The following SAMD5 variants were observed in gnomAD, a reference collection of about 807,000 sequenced individuals.
The protein encoded by SAMD5 is sterile alpha motif domain containing 5.
Under a neutral mutation model 11.3 loss-of-function variants are expected in SAMD5, and 13 were observed. That is an observed-to-expected ratio of 1.15 (90% CI 0.75 to 1.83). The LOEUF is 1.83. Ranked by LOEUF, SAMD5 falls within the 40% of genes most tolerant of loss-of-function variation. SAMD5 has a pLI of 0.00. For synonymous variants in SAMD5, 129 were observed against 111.3 expected, an observed-to-expected ratio of 1.16 and a Z score of -1.00; for missense variants, 255 against 239.1, an observed-to-expected ratio of 1.07 and a Z score of -0.44.
At chr6:147,545,605 G>A (rs749612835) in intron 1 of SAMD5, among the ~76,000 whole-genome samples, 10 of 151,998 alleles carry the variant, frequency 6.6e-5, no homozygotes, top group Non-Finnish European at 1.3e-4. Flanking sequence ...AAGGATAAGC[G>A]GACTTTAATT....
the SAMD5 span, among the ~76,000 whole-genome samples, chr6:147,757,403 G>A: frequency 1.1e-4 from 17 of 152,112 alleles, no homozygotes; most frequent in African/African-American, 3.9e-4. Context: ...ATGTTTTTAT[G>A]AGTATAAATA....
intron 1 of SAMD5, among the ~76,000 whole-genome samples, chr6:147,670,712 G>C (rs970472066): frequency 2.6e-5 from 4 of 152,216 alleles, no homozygotes; most frequent in Non-Finnish European, 5.9e-5. Flanking sequence ...GAATTGAAGA[G>C]AGTTAGAGCC....
chr6:147,873,118 C>T, the SAMD5 span, among the ~76,000 whole-genome samples: 1 of 152,216 alleles, frequency 6.6e-6, no homozygotes, highest in East Asian at 1.9e-4. Context: ...GTGGCTCACG[C>T]CTGTAATCCC....
chr6:147,665,097 AAG>A (rs1179438290), intron 1 of SAMD5, among the ~76,000 whole-genome samples: 34 of 152,148 alleles, frequency 2.2e-4, no homozygotes, highest in African/African-American at 8.2e-4. Flanking sequence ...TTTCCCTTAA[AAG>A]AATGTTTTCA....
the SAMD5 span, among the ~76,000 whole-genome samples, chr6:147,869,269 G>C: frequency 6.6e-6 from 1 of 152,238 alleles, no homozygotes; most frequent in Non-Finnish European, 1.5e-5. Context: ...AGCTGATGCT[G>C]TGGCCCTTGG....
chr6:147,564,184 A>G (rs1289794111), intron 1 of SAMD5, among the ~76,000 whole-genome samples: 1 of 152,244 alleles, frequency 6.6e-6, no homozygotes, highest in Non-Finnish European at 1.5e-5. Flanking sequence ...TATAGGCTTG[A>G]CAAGGATAAA....
the SAMD5 span, among the ~76,000 whole-genome samples, chr6:147,846,727 T>C: frequency 3.3e-5 from 5 of 152,072 alleles, no homozygotes; most frequent in African/African-American, 1.2e-4. Context: ...GGCTGAGGCA[T>C]AAGAATTGCT....
At chr6:147,845,138 A>C in the SAMD5 span, among the ~76,000 whole-genome samples, 39 of 152,282 alleles carry the variant, frequency 2.6e-4, no homozygotes, top group African/African-American at 8.4e-4. Flanking sequence ...TAAAAATAAA[A>C]TTTTAAAAAT....
chr6:147,646,682 C>A (rs7766576), intron 1 of SAMD5, among the ~76,000 whole-genome samples: 6,700 of 152,140 alleles, frequency 0.044, 170 homozygotes, highest in South Asian at 0.054. Context: ...AGTAATCATG[C>A]TTTAGAAAAA....
intron 1 of SAMD5, among the ~76,000 whole-genome samples, chr6:147,631,414 G>T (rs770545483): frequency 1.3e-5 from 2 of 152,118 alleles, no homozygotes; most frequent in Non-Finnish European, 2.9e-5. Flanking sequence ...TTTTTAAGTT[G>T]GAGGCTGAGC....
intron 1 of SAMD5, among the ~76,000 whole-genome samples, chr6:147,643,094 A>C (rs1165980417): frequency 2.0e-5 from 3 of 152,212 alleles, no homozygotes; most frequent in Non-Finnish European, 4.4e-5. Context: ...CATCTATTTC[A>C]TACCCTCCAC....
chr6:147,670,271 A>G (rs1297137332), intron 1 of SAMD5, among the ~76,000 whole-genome samples: 3 of 152,298 alleles, frequency 2.0e-5, no homozygotes, highest in Admixed American at 2.0e-4. Flanking sequence ...TTGTTGTTCC[A>G]CTTATAGAAC....
chr6:147,800,194 G>T, the SAMD5 span, among the ~76,000 whole-genome samples: 1 of 152,120 alleles, frequency 6.6e-6, no homozygotes, highest in South Asian at 2.1e-4. Flanking sequence ...CCCCATCTTT[G>T]TGGTTTTATC....
At chr6:147,538,858 TAA>T (rs1354992592) in intron 1 of SAMD5, among the ~76,000 whole-genome samples, 1 of 152,238 alleles carries the variant, frequency 6.6e-6, no homozygotes, top group African/African-American at 2.4e-5. Flanking sequence ...AAAACGGCAT[TAA>T]AGTTTTTATT....
chr6:147,605,279 AT>A (rs1322364580), intron 1 of SAMD5, among the ~76,000 whole-genome samples: 1 of 151,950 alleles, frequency 6.6e-6, no homozygotes, highest in Non-Finnish European at 1.5e-5. Flanking sequence ...CACCTGATTA[AT>A]TTTTACATAT....
the SAMD5 span, among the ~76,000 whole-genome samples, chr6:147,915,498 CT>C: frequency 6.6e-6 from 1 of 152,294 alleles, no homozygotes; most frequent in African/African-American, 2.4e-5. Context: ...TACTTAATTT[CT>C]CTGATCTTTG....
Position 147,663,903 on chromosome 6 carries a change from AT to A in SAMD5, c.163-73397del, listed in dbSNP as rs201468036. On this transcript the variant is annotated intron_variant, in intron 1 of 1. Coordinates refer to the SAMD5 transcript ENST00000566741. Reference sequence around the variant, plus strand: ...ATTTATCTGAATTTTTTACATGTAAATTTTTTTTTTTTTTTTTAGAAATCTG... The same window carrying A: ...ATTTATCTGAATTTTTTACATGTAAATTTTTTTTTTTTTTTTAGAAATCTG... Among the ~76,000 whole-genome samples, 886 of 142,008 alleles carry A rather than the reference AT, an allele frequency of 6.2e-3. 6 individuals are homozygous for A. The highest frequency in any genetic ancestry group is 0.012 in the African/African-American group (445 of 38,694). The allele number at this position is 142,008 out of a possible 152,430, so 93.2% of individuals were successfully genotyped here. A position where few individuals can be genotyped will look rare whatever the true frequency, so the allele number is the denominator to read the frequency against.
At chr6:147,799,510 T>C in the SAMD5 span, among the ~76,000 whole-genome samples, 1 of 151,562 alleles carries the variant, frequency 6.6e-6, no homozygotes, top group African/African-American at 2.4e-5. Context: ...CATTTTTTCC[T>C]TCATTTCAAC....
chr6:147,585,642 T>C (rs115143183), intron 1 of SAMD5, among the ~76,000 whole-genome samples: 2,470 of 152,238 alleles, frequency 0.016, 63 homozygotes, highest in African/African-American at 0.056. Context: ...AGAGTAGCAA[T>C]TTACTCCCCT....
Sources: allele counts gnomAD v4.1 joint callset (sites outside exome capture counted in the v4.1 genomes callset), GRCh38; gene constraint gnomAD v4.1.1; transcripts MANE v1.5; gene names NCBI Gene and HGNC (gene_info 2026-07-23, HGNC 2026-07-21).